Variants in DMTF1 observed in about 807,000 individuals in gnomAD.
DMTF1 encodes cyclin D binding myb like transcription factor 1, also known as cyclin-D-binding Myb-like transcription factor 1.
A neutral mutation model predicts 91.1 loss-of-function variants in DMTF1; 39 were observed. The observed-to-expected ratio is 0.43, with a 90% confidence interval of 0.33 to 0.56. The LOEUF is 0.56. Among genes scored for constraint, DMTF1 ranks in the 20% least tolerant of loss-of-function variants. DMTF1 has a pLI of 0.05. For synonymous variants in DMTF1, 338 were observed against 309.5 expected (o/e 1.09, Z -0.97); for missense variants, 750 against 914.5 (o/e 0.82, Z 2.32).
intron 4 of DMTF1, among the ~76,000 whole-genome samples, chr7:87,169,050 T>G (rs1794487954): frequency 6.6e-6 from 1 of 152,212 alleles, no homozygotes; most frequent in Non-Finnish European, 1.5e-5. Context: ...TTCTTCCCCT[T>G]TACCTACTCA....
chr7:87,170,951 C>T (rs778851191), intron 4 of DMTF1, 44 bp from the exon 5 acceptor site: 59 of 1,283,366 alleles, frequency 4.6e-5, no homozygotes, highest in Admixed American at 1.6e-4. Flanking sequence ...ATAATTAGAA[C>T]TTGCCGTTAT....
intron 4 of DMTF1, among the ~76,000 whole-genome samples, chr7:87,170,359 T>C (rs1187265263): frequency 6.6e-6 from 1 of 152,214 alleles, no homozygotes; most frequent in Non-Finnish European, 1.5e-5. Flanking sequence ...ATTATTCCAC[T>C]ATTCAAAATC....
rs1327431666 is a variant in DMTF1 at position 87,195,110 on chromosome 7, G to A, written c.2253G>A (p.Lys751=). The stretch of plus-strand genomic sequence containing the variant: ...GCAGTCCTGTTTCAGAAGATTCAAA[G>A]GATGTCGAAGATTTGGTAAACTGTC... The part of the protein sequence containing the change: ...SLGSPVSEDS[K]DVEDLVNCH The change falls in exon 18 of 18, where the codon AAG becomes AAA. Residue 751 remains lysine, a synonymous_variant. Coordinates refer to ENST00000331242, the MANE Select transcript of DMTF1 (RefSeq NM_001142327.2). 1 of 1,611,488 alleles carries A rather than the reference G, an allele frequency of 6.2e-7. No individual in the cohort carries two copies. The highest frequency in any genetic ancestry group is 8.5e-7 in the Non-Finnish European group (1 of 1,178,460).
chr7:87,191,194 G>A (rs563175026), intron 14 of DMTF1, among the ~76,000 whole-genome samples, 167 bp downstream of exon 14: 1 of 152,184 alleles, frequency 6.6e-6, no homozygotes, highest in East Asian at 1.9e-4. Context: ...TCTCTCATCT[G>A]TATATAAACC....
chr7:87,158,397 T>C (rs1250165777), intron 1 of DMTF1, among the ~76,000 whole-genome samples: 1 of 152,070 alleles, frequency 6.6e-6, no homozygotes, highest in Admixed American at 6.5e-5. Flanking sequence ...TTAAATGGCA[T>C]CTAACAAAAT....
rs1795603753 is a variant in DMTF1, at chr7:87,173,657, A to G, written c.442+8A>G. On this transcript the variant is annotated splice_region_variant and intron_variant, in intron 6 of 17. Coordinates refer to ENST00000331242, the MANE Select transcript of DMTF1 (RefSeq NM_001142327.2). ...ATTCTCTGACTAATAAAGGTAAGAT[A>G]ACACTGTGAATTTTAGTGCCTAGTG... 1 of 1,572,310 alleles carries G rather than the reference A, an allele frequency of 6.4e-7. No homozygotes were observed. The highest frequency in any genetic ancestry group is 8.7e-7 in the Non-Finnish European group (1 of 1,150,500).
At chr7:87,185,468 G>C (rs4728686) in intron 11 of DMTF1, among the ~76,000 whole-genome samples, 1 of 152,128 alleles carries the variant, frequency 6.6e-6, no homozygotes, top group East Asian at 1.9e-4. Context: ...GATCCAGGAA[G>C]TAAATGACTT....
chr7:87,181,872 C>T (rs1797446882), intron 9 of DMTF1: 1 of 474,806 alleles, frequency 2.1e-6, no homozygotes, highest in Non-Finnish European at 3.6e-6. Context: ...ACCTGTGAAA[C>T]TTTAGATGTC....
intron 3 of DMTF1, among the ~76,000 whole-genome samples, chr7:87,165,337 A>G (rs1479690365): frequency 6.6e-6 from 1 of 152,228 alleles, no homozygotes; most frequent in Non-Finnish European, 1.5e-5. Context: ...TAGAAAATGT[A>G]GAATTATTCC....
chr7:87,173,387 CTA>C, intron 5 of DMTF1, 146 bp from the exon 6 acceptor site: 1 of 398,296 alleles, frequency 2.5e-6, no homozygotes, highest in Non-Finnish European at 4.5e-6. Context: ...TATATTTTTA[CTA>C]TATCTAAAAC....
At chr7:87,183,863 G>C (rs1330102733) in intron 10 of DMTF1, among the ~76,000 whole-genome samples, 1 of 152,178 alleles carries the variant, frequency 6.6e-6, no homozygotes, top group African/African-American at 2.4e-5. Context: ...TTTCATCACA[G>C]TAGCTTGGAG....
In DMTF1 at chr7:87,195,520, T is replaced by G. The variant is rs1801063197; in HGVS notation, c.*380T>G. ...TGGCACTGTCTCCTCTCAAGCCTGGTTGTAGTTCAGATGAGTCTTTTCAAC... is the reference window on the plus strand; with the variant it reads ...TGGCACTGTCTCCTCTCAAGCCTGGGTGTAGTTCAGATGAGTCTTTTCAAC... On this transcript the variant is annotated 3_prime_UTR_variant, in exon 18 of 18. Transcript: ENST00000331242. 5.7e-6 allele frequency: 1 copy of G among 176,846 alleles called. No individual in the cohort carries two copies. The highest frequency in any genetic ancestry group is 1.3e-4 in the South Asian group (1 of 7,654). The allele number at this position is 176,846 out of a possible 1,614,324, so 11.0% of individuals were successfully genotyped here. A position where few individuals can be genotyped will look rare whatever the true frequency, so the allele number is the denominator to read the frequency against.
At chr7:87,169,098 T>G (rs1794503331) in intron 4 of DMTF1, among the ~76,000 whole-genome samples, 1 of 152,194 alleles carries the variant, frequency 6.6e-6, no homozygotes, top group Admixed American at 6.5e-5. Context: ...TTCTTCTGTA[T>G]CACCAGTTTT....
At chr7:87,191,486 G>T (rs1159170591) in intron 14 of DMTF1, among the ~76,000 whole-genome samples, 1 of 152,088 alleles carries the variant, frequency 6.6e-6, no homozygotes, top group Non-Finnish European at 1.5e-5. Flanking sequence ...CCACCTAAGA[G>T]AAATGAAAAT....
chr7:87,188,385 T>C, intron 13 of DMTF1, 84 bp downstream of exon 13: 1 of 1,432,972 alleles, frequency 7.0e-7, no homozygotes, highest in Non-Finnish European at 9.7e-7. Flanking sequence ...TTTTCTAGAA[T>C]GTTAATAGAA....
intron 12 of DMTF1, 130 bp downstream of exon 12, chr7:87,186,110 G>A (rs1382682876): frequency 2.2e-6 from 2 of 913,972 alleles, no homozygotes; most frequent in African/African-American, 1.7e-5. Context: ...CCACTTCCCT[G>A]TTTCTCTCAG....
At chr7:87,153,084 A>C (rs1305811938) in intron 1 of DMTF1, 5 of 152,422 alleles carry the variant, frequency 3.3e-5, no homozygotes, top group Admixed American at 6.5e-5. Context: ...GTCTCGACCC[A>C]ACTTCCCCCC....
chr7:87,187,695 T>G (rs999098755), intron 12 of DMTF1: 2 of 210,156 alleles, frequency 9.5e-6, no homozygotes, highest in Non-Finnish European at 1.9e-5. Context: ...TCAAGGGCCC[T>G]TCAGCCCTGG....
At position 87,179,667 on chromosome 7, in the gene DMTF1, G is replaced by T; in HGVS notation, c.642G>T (p.Val214=). 6.3e-7 allele frequency: 1 copy of T among 1,582,608 alleles called. No individual in the cohort carries two copies. Among genetic ancestry groups the T allele is most frequent in the South Asian group, 1.2e-5 (1 of 84,164 alleles). Residue 214 remains valine (V), a synonymous_variant, in exon 8 of 18, where the codon GTG becomes GTT. Transcript: ENST00000331242. ...NRPLFAVYRR[V]LRMYDDRNHV... ...CTTTGTTTGCAGTTTATAGAAGAGT[G>T]CTTCGCATGTATGATGACAGAAACC...
Sources: gnomAD v4.1 joint callset for allele counts (sites outside exome capture counted in the v4.1 genomes callset) on GRCh38, gnomAD v4.1.1 for gene constraint, MANE v1.5 for transcripts, NCBI Gene and HGNC (gene_info 2026-07-23, HGNC 2026-07-21) for gene names.